RBFOX1: variants seen among roughly 807,000 people sequenced by gnomAD.
RBFOX1 encodes RNA binding fox-1 homolog 1.
RBFOX1 carries 8 observed loss-of-function variants against 57.7 expected under a neutral mutation model. That is an observed-to-expected ratio of 0.14 (90% CI 0.08 to 0.25). The LOEUF is 0.25. Ranked by LOEUF, RBFOX1 falls within the 10% of genes least tolerant of loss-of-function variation. RBFOX1 has a pLI of 1.00. For missense variants in RBFOX1, 611 were observed against 548.5 expected, an observed-to-expected ratio of 1.11 and a Z score of -1.14; for synonymous variants, 326 against 222.4, an observed-to-expected ratio of 1.47 and a Z score of -4.15.
At chr16:5,652,950 T>G (rs745352408) in intron 3 of RBFOX1, among the ~76,000 whole-genome samples, 2 of 152,190 alleles carry the variant, frequency 1.3e-5, no homozygotes, top group Non-Finnish European at 2.9e-5. Context: ...GGTGACTGGG[T>G]CTCTGCTGCA....
Position 6,901,378 on chromosome 16 carries a change from T to C in RBFOX1, c.-15-150679T>C, listed in dbSNP as rs1388385491. On this transcript the variant is annotated intron_variant, in intron 3 of 15. Coordinates refer to ENST00000550418, the MANE Select transcript of RBFOX1 (RefSeq NM_018723.4). ...ACCTAGCAAGGCCAGGGGTGCAAAA[T>C]CAAAGTGAACAGGACGTTCCTACTA... Among the ~76,000 whole-genome samples the C allele has an allele frequency of 2.6e-5, 4 of 152,196 alleles. No individual in the cohort carries two copies. In the East Asian group the frequency reaches 7.8e-4, roughly 30 times the overall value.
intron 1 of RBFOX1, among the ~76,000 whole-genome samples, chr16:5,287,721 G>C (rs892323128): frequency 6.6e-6 from 1 of 152,200 alleles, no homozygotes; most frequent in Admixed American, 6.5e-5. Flanking sequence ...GAGTGAGCGA[G>C]CACAAATGAA....
intron 1 of RBFOX1, among the ~76,000 whole-genome samples, chr16:6,208,732 G>A (rs1297013526): frequency 6.6e-6 from 1 of 152,172 alleles, no homozygotes; most frequent in Non-Finnish European, 1.5e-5. Flanking sequence ...AAAAAAATAT[G>A]CATTTCTGGT....
intron 3 of RBFOX1, among the ~76,000 whole-genome samples, chr16:6,732,842 C>T (rs1225004357): frequency 6.6e-6 from 1 of 152,152 alleles, no homozygotes; most frequent in East Asian, 1.9e-4. Context: ...TTACCTTGGA[C>T]AGCCATTATG....
rs78719903 is a variant in RBFOX1, at chr16:6,912,486, T to C, written c.-15-139571T>C. Among the ~76,000 whole-genome samples, 90 of 152,318 alleles carry C rather than the reference T, an allele frequency of 5.9e-4. No individual in the cohort carries two copies. The East Asian group carries it at 0.016, about 27-fold the overall frequency. On this transcript the variant is annotated intron_variant, in intron 3 of 15. Transcript: ENST00000550418. Reference sequence around the variant, plus strand: ...AGCCCTGCGGCTCAGATAGATCAGATTGAAGTATTCTGGGTGGGCTAAGAT... The same window carrying C: ...AGCCCTGCGGCTCAGATAGATCAGACTGAAGTATTCTGGGTGGGCTAAGAT...
At chr16:5,523,754 C>G (rs78176574) in intron 2 of RBFOX1, among the ~76,000 whole-genome samples, 6,696 of 152,242 alleles carry the variant, frequency 0.044, 508 homozygotes, top group African/African-American at 0.15. Flanking sequence ...TGACAAATGT[C>G]TATACTCTTT....
intron 4 of RBFOX1, among the ~76,000 whole-genome samples, chr16:7,441,237 C>G (rs9302846): frequency 6.6e-6 from 1 of 152,002 alleles, no homozygotes; most frequent in Non-Finnish European, 1.5e-5. Context: ...GAAAGCTCTG[C>G]AAGGCTAGGA....
At position 6,913,693 on chromosome 16, in the gene RBFOX1, A is replaced by C. The variant is rs114146231; in HGVS notation, c.-15-138364A>C. 9.6e-3 allele frequency among the ~76,000 whole-genome samples: 1,466 copies of C among 152,250 alleles called. 23 individuals are homozygous for C. The highest frequency in any genetic ancestry group is 0.033 in the African/African-American group (1,365 of 41,548). ...CCTTGGTAGACCTGGCTCCTTGCCT[A>C]GCTGGGCCAGGCTCTGTCCTCCCCT... On this transcript the variant is annotated intron_variant, in intron 3 of 15. Transcript: ENST00000550418.
intron 2 of RBFOX1, among the ~76,000 whole-genome samples, chr16:6,476,624 C>G (rs2095276765): frequency 6.6e-6 from 1 of 152,150 alleles, no homozygotes; most frequent in Non-Finnish European, 1.5e-5. Flanking sequence ...GGTGGAGGGT[C>G]TTGCCTCGGT....
chr16:5,569,979 A>G (rs964803414), intron 2 of RBFOX1, among the ~76,000 whole-genome samples: 4 of 152,212 alleles, frequency 2.6e-5, no homozygotes, highest in Middle Eastern at 3.2e-3. Flanking sequence ...GCATCTAACT[A>G]AAGATTTTCA....
intron 13 of RBFOX1, among the ~76,000 whole-genome samples, chr16:7,668,631 C>G (rs1156906905): frequency 6.6e-6 from 1 of 151,420 alleles, no homozygotes; most frequent in Non-Finnish European, 1.5e-5. Flanking sequence ...TGATCTTTAT[C>G]TGAGTCCCTT....
chr16:5,591,904 C>T (rs562995444), intron 2 of RBFOX1, among the ~76,000 whole-genome samples: 29 of 152,238 alleles, frequency 1.9e-4, no homozygotes, highest in Non-Finnish European at 3.4e-4. Context: ...ATCCCTAGTC[C>T]GAATATTATC....
At chr16:6,912,805 A>G (rs1369596679) in intron 3 of RBFOX1, among the ~76,000 whole-genome samples, 1 of 151,586 alleles carries the variant, frequency 6.6e-6, no homozygotes, top group Non-Finnish European at 1.5e-5. Context: ...TTTTTAAGAC[A>G]GACTTTGTCC....
chr16:6,295,435 T>C (rs1253096702), intron 1 of RBFOX1, among the ~76,000 whole-genome samples: 1 of 152,174 alleles, frequency 6.6e-6, no homozygotes, highest in Non-Finnish European at 1.5e-5. Context: ...CTTAAGTGTG[T>C]CTTTATAGTA....
intron 2 of RBFOX1, among the ~76,000 whole-genome samples, chr16:6,579,147 G>T (rs2097494110): frequency 1.3e-5 from 2 of 152,122 alleles, no homozygotes; most frequent in African/African-American, 4.8e-5. Flanking sequence ...AAATTTTAAT[G>T]TTTTATGCCA....
intron 4 of RBFOX1, among the ~76,000 whole-genome samples, chr16:7,362,642 C>G (rs1418889047): frequency 6.6e-6 from 1 of 150,650 alleles, no homozygotes; most frequent in East Asian, 2.0e-4. Flanking sequence ...TTGTGCGTAT[C>G]TTAGTATGTG....
intron 2 of RBFOX1, among the ~76,000 whole-genome samples, chr16:6,447,490 C>T (rs1470949575): frequency 6.6e-6 from 1 of 152,170 alleles, no homozygotes; most frequent in Non-Finnish European, 1.5e-5. Context: ...GACTTTCAAT[C>T]ATTTTAGTGC....
Position 7,002,822 on chromosome 16 carries a change from A to G in RBFOX1, c.-15-49235A>G, listed in dbSNP as rs188240708. Among the ~76,000 whole-genome samples, 480 of 152,328 alleles carry G rather than the reference A, an allele frequency of 3.2e-3. 4 individuals carry two copies. The highest frequency in any genetic ancestry group is 5.0e-3 in the Admixed American group (76 of 15,300). ...AATGTGTTGTGGTAGATGCTATATA[A>G]TAAAGGGAAATTAGGCTGATAGGAG... On this transcript the variant is annotated intron_variant, in intron 3 of 15. Transcript: ENST00000550418.
chr16:5,548,271 G>GGTACTAT (rs1181295843), intron 2 of RBFOX1, among the ~76,000 whole-genome samples: 1 of 148,122 alleles, frequency 6.8e-6, no homozygotes, highest in Admixed American at 6.9e-5. Context: ...CTAACTGTGG[G>GGTACTAT]GTACTATGCT....
Sources: gnomAD v4.1 joint callset for allele counts (sites outside exome capture counted in the v4.1 genomes callset) on GRCh38, gnomAD v4.1.1 for gene constraint, MANE v1.5 for transcripts, NCBI Gene and HGNC (gene_info 2026-07-23, HGNC 2026-07-21) for gene names.